The following FAIM2 variants were observed in gnomAD, a reference collection of about 807,000 sequenced individuals.
FAIM2 encodes protein lifeguard 2.
In FAIM2, 27 loss-of-function variants were observed where a neutral mutation model predicts 47.4. That is an observed-to-expected ratio of 0.57 (90% confidence interval 0.42 to 0.78). FAIM2 has a LOEUF of 0.78. Ranked by LOEUF, FAIM2 falls within the 30% of genes least tolerant of loss-of-function variation. FAIM2 has a pLI of 0.00. For synonymous variants in FAIM2, 156 were observed against 159.3 expected, an observed-to-expected ratio of 0.98 and a Z score of 0.16; for missense variants, 311 against 389.4, an observed-to-expected ratio of 0.80 and a Z score of 1.69.
chr12:49,876,798 C>T (rs190937297), intron 11 of FAIM2, among the ~76,000 whole-genome samples: 1,670 of 152,078 alleles, frequency 0.011, 17 homozygotes, highest in Non-Finnish European at 0.017. Context: ...AAGCTGTCAT[C>T]GATTGAGAAT....
At position 49,874,730 on chromosome 12, in the gene FAIM2, C is replaced by T. The variant is rs1212384982; in HGVS notation, c.802-4077G>A. Among the ~76,000 whole-genome samples, 1 of 152,194 alleles carries T rather than the reference C, an allele frequency of 6.6e-6. No homozygotes were observed. The highest frequency in any genetic ancestry group is 1.5e-5 in the Non-Finnish European group (1 of 68,040). On this transcript the variant is annotated intron_variant, in intron 11 of 11. Coordinates refer to ENST00000320634, the MANE Select transcript of FAIM2 (RefSeq NM_012306.4). This position sits in a 1 kb window ranked among gnomAD's most constrained non-coding sequence, Gnocchi z 4.2. Reference sequence around the variant, plus strand: ...TGTTGTATCAGCATAAACAGTGCCACGTGGACTGTGTCTGTCCTGCATAAA... The same window carrying T: ...TGTTGTATCAGCATAAACAGTGCCATGTGGACTGTGTCTGTCCTGCATAAA...
Position 49,897,723 on chromosome 12 carries a change from G to A in FAIM2, c.316-140C>T, listed in dbSNP as rs369354444. On this transcript the variant is annotated intron_variant, in intron 3 of 11. Transcript: ENST00000320634. ...TGGGGGTCATTGGAGTGAACCCAGG[G>A]CAAGGCGAAAGGAAAGCAAAGATGC... The A allele has an allele frequency of 7.8e-5, 53 of 679,882 alleles. No homozygotes were observed. The South Asian group carries it at 9.4e-4, about 12-fold the overall frequency. 42.1% of individuals were successfully genotyped at this position (679,882 alleles called of 1,614,324 possible).
intron 6 of FAIM2, 70 bp from the exon 7 acceptor site, chr12:49,890,792 T>C (rs2137099597): frequency 7.2e-7 from 1 of 1,388,468 alleles, no homozygotes; most frequent in Non-Finnish European, 1.0e-6. Context: ...TGTGACACTG[T>C]TGCAGGGAGG....
At chr12:49,875,843 GTGGGCACC>G (rs1217437398) in intron 11 of FAIM2, among the ~76,000 whole-genome samples, 2 of 152,108 alleles carry the variant, frequency 1.3e-5, no homozygotes, top group Non-Finnish European at 2.9e-5. Flanking sequence ...AGGCGTGGTG[GTGGGCACC>G]TGTAATCCCA....
chr12:49,881,864 C>A (rs977424596), intron 11 of FAIM2, among the ~76,000 whole-genome samples: 1 of 152,196 alleles, frequency 6.6e-6, no homozygotes, highest in African/African-American at 2.4e-5. Context: ...CAAAGCTGGA[C>A]CAGAGCCCTG....
At chr12:49,884,463 A>G (rs866752058) in intron 11 of FAIM2, among the ~76,000 whole-genome samples, 7 of 152,180 alleles carry the variant, frequency 4.6e-5, no homozygotes. Flanking sequence ...ACGTGTTCCT[A>G]TGTTAATGGG....
chr12:49,888,769 G>A (rs901609684), intron 10 of FAIM2, among the ~76,000 whole-genome samples: 26 of 152,156 alleles, frequency 1.7e-4, no homozygotes, highest in Non-Finnish European at 3.5e-4. Context: ...TGGGTCTGGC[G>A]GGCCTCATGG....
chr12:49,887,317 G>T, intron 11 of FAIM2, 69 bp downstream of exon 11: 1 of 1,398,732 alleles, frequency 7.1e-7, no homozygotes, highest in Non-Finnish European at 1.0e-6. Context: ...GAAGATGGGA[G>T]GAGAAGGGGA....
Position 49,889,175 on chromosome 12 carries a change from G to T in FAIM2, c.679C>A (p.Leu227Ile). 6.2e-7 allele frequency: 1 copy of T among 1,612,114 alleles called. No individual in the cohort carries two copies. Among genetic ancestry groups the T allele is most frequent in the Non-Finnish European group, 8.5e-7 (1 of 1,179,212 alleles). Residue 227 changes from leucine to isoleucine, a missense_variant, in exon 10 of 12, where the codon CTC (leucine) becomes ATC (isoleucine). Physicochemically the swap from Leu to Ile is conservative, Grantham distance 5 (BLOSUM62 2). Transcript: ENST00000320634. ...AAAAGAGTCATGAGAAGCACGAAGA[G>T]CACGCCCTGGCAGGAGGTGAAGTCG... ...KFDFTSCQGV[L>I]FVLLMTLFFS...
rs1196054951 is a variant in FAIM2, at chr12:49,889,970, AC to A, written c.563+146del. 6.8e-6 allele frequency: 5 copies of A among 732,390 alleles called. No individual in the cohort carries two copies. The Admixed American group carries it at 1.2e-4, about 18-fold the overall frequency. 45.4% of individuals were successfully genotyped at this position (732,390 alleles called of 1,614,324 possible). On this transcript the variant is annotated intron_variant, in intron 8 of 11. Transcript: ENST00000320634. ...GTCCAGCTGAGTGCTCAAGCAGAGG[AC>A]CCTAGGCCAAAGCCTCCTGCATGCC...
Position 49,874,789 on chromosome 12 carries a change from G to A in FAIM2, c.802-4136C>T, listed in dbSNP as rs965356771. On this transcript the variant is annotated intron_variant, in intron 11 of 11. Transcript: ENST00000320634. The surrounding 1 kb of genome is among the most constrained non-coding windows in gnomAD (Gnocchi z 4.2). ...TGAGGGCGTGTGGAGGCAACCCCCA[G>A]GCTGTTGTTTACAGCATTGGTTCTA... Among the ~76,000 whole-genome samples the A allele has an allele frequency of 1.3e-5, 2 of 152,184 alleles. No individual in the cohort carries two copies. Among genetic ancestry groups the A allele is most frequent in the African/African-American group, 4.8e-5 (2 of 41,430 alleles).
chr12:49,880,881 A>AGTGAGTGT, intron 11 of FAIM2, among the ~76,000 whole-genome samples: 1 of 150,966 alleles, frequency 6.6e-6, no homozygotes, highest in South Asian at 2.1e-4. Flanking sequence ...CGTGAATGTG[A>AGTGAGTGT]GTGTGTGTGT....
At chr12:49,888,824 C>A (rs1009826414) in intron 10 of FAIM2, among the ~76,000 whole-genome samples, 3 of 152,244 alleles carry the variant, frequency 2.0e-5, no homozygotes, top group African/African-American at 7.2e-5. Flanking sequence ...ATGCTCCACA[C>A]CCTACCCTCA....
chr12:49,898,047 A>G lies in FAIM2; in HGVS notation c.255T>C (p.His85=). The change falls in exon 3 of 12, where the codon CAT becomes CAC. Residue 85 remains histidine, a synonymous_variant. Transcript: ENST00000320634. ...CCCAGCTGAAAGTGGTGAAGAGCTC[A>G]TGGTCTCCGGTGGGGAAACCGTTGT... The part of the protein sequence containing the change: ...SYDNGFPTGD[H]ELFTTFSWDD... 3 of 1,613,694 alleles carry G rather than the reference A, an allele frequency of 1.9e-6. No individual in the cohort carries two copies. Among genetic ancestry groups the G allele is most frequent in the Non-Finnish European group, 2.5e-6 (3 of 1,179,780 alleles).
At chr12:49,892,501 C>A (rs75298656) in intron 5 of FAIM2, among the ~76,000 whole-genome samples, 7 of 152,200 alleles carry the variant, frequency 4.6e-5, no homozygotes, top group Non-Finnish European at 1.0e-4. Context: ...GGCTCTGCCA[C>A]ATCACAGGAC....
At chr12:49,880,494 A>ATGTGTGTATG (rs138185909) in intron 11 of FAIM2, among the ~76,000 whole-genome samples, 11 of 138,938 alleles carry the variant, frequency 7.9e-5, no homozygotes, top group East Asian at 4.2e-4. Flanking sequence ...ATGCATGTGT[A>ATGTGTGTATG]TGTGTGTGTA....
rs1386888196 is a variant in FAIM2, at chr12:49,869,220, A to T, written c.*1284T>A. On this transcript the variant is annotated 3_prime_UTR_variant, in exon 12 of 12. Transcript: ENST00000320634. Reference sequence around the variant, plus strand: ...AGGGCTGACGCACACCCTGCCTGAGATCCCAGCCGCCTGGAAGCTGATAAG... The same window carrying T: ...AGGGCTGACGCACACCCTGCCTGAGTTCCCAGCCGCCTGGAAGCTGATAAG... 1 of 152,788 alleles carries T rather than the reference A, an allele frequency of 6.5e-6. No homozygotes were observed. Among genetic ancestry groups the T allele is most frequent in the Non-Finnish European group, 1.5e-5 (1 of 68,294 alleles). 9.5% of individuals were successfully genotyped at this position (152,788 alleles called of 1,614,324 possible). A position where few individuals can be genotyped will look rare whatever the true frequency, so the allele number is the denominator to read the frequency against.
chr12:49,878,800 A>ATGTGCATCTGTGTATG (rs796913911), intron 11 of FAIM2, among the ~76,000 whole-genome samples: 949 of 78,470 alleles, frequency 0.012, 58 homozygotes, highest in Non-Finnish European at 0.016. Flanking sequence ...CTGTGTGTAT[A>ATGTGCATCTGTGTATG]TGTGTGCATG....
intron 11 of FAIM2, among the ~76,000 whole-genome samples, chr12:49,886,844 G>T (rs1419874363): frequency 1.3e-5 from 2 of 152,166 alleles, no homozygotes; most frequent in Non-Finnish European, 2.9e-5. Context: ...ATGCTATGGA[G>T]AGCTGGCTGG....
Sources: allele counts gnomAD v4.1 joint callset (sites outside exome capture counted in the v4.1 genomes callset), GRCh38; gene constraint gnomAD v4.1.1; non-coding constraint Gnocchi (gnomAD v3.1); transcripts MANE v1.5; gene names NCBI Gene and HGNC (gene_info 2026-07-23, HGNC 2026-07-21).